The following PPARGC1A variants were observed in gnomAD, a reference collection of about 807,000 sequenced individuals.
PPARGC1A encodes the protein PPARG coactivator 1 alpha.
PPARGC1A carries 25 observed loss-of-function variants against 88.7 expected under a neutral mutation model. That is an observed-to-expected ratio of 0.28 (90% confidence interval 0.21 to 0.39). The LOEUF is 0.39. Ranked by LOEUF, PPARGC1A falls within the 10% of genes least tolerant of loss-of-function variation. The pLI, the probability that PPARGC1A is intolerant of heterozygous loss-of-function variation, is 1.00. For missense variants in PPARGC1A, 880 were observed against 968.7 expected, an observed-to-expected ratio of 0.91 and a Z score of 1.22; for synonymous variants, 363 against 355.6, an observed-to-expected ratio of 1.02 and a Z score of -0.24.
chr4:23,986,245 GTC>G, the PPARGC1A span, among the ~76,000 whole-genome samples: 136 of 152,086 alleles, frequency 8.9e-4, 1 homozygote, highest in Non-Finnish European at 8.5e-4. Flanking sequence ...TAAAAAAAAA[GTC>G]TCTGAAATAT....
chr4:24,264,642 T>A, the PPARGC1A span, among the ~76,000 whole-genome samples: 29 of 152,368 alleles, frequency 1.9e-4, no homozygotes, highest in African/African-American at 6.7e-4. Context: ...GGAGTTCAAA[T>A]GCAGTAATGC....
At chr4:24,088,679 TA>T in the PPARGC1A span, among the ~76,000 whole-genome samples, 1 of 152,190 alleles carries the variant, frequency 6.6e-6, no homozygotes, top group Non-Finnish European at 1.5e-5. Context: ...AATAAACTAT[TA>T]AAAAACATTT....
chr4:24,401,231 G>A, the PPARGC1A span, among the ~76,000 whole-genome samples: 63 of 151,892 alleles, frequency 4.1e-4, 1 homozygote, highest in Admixed American at 1.4e-3. Flanking sequence ...TGTTAGCCAG[G>A]ATGGTCTCGA....
chr4:24,218,481 G>T, the PPARGC1A span, among the ~76,000 whole-genome samples: 1 of 152,240 alleles, frequency 6.6e-6, no homozygotes, highest in Admixed American at 6.5e-5. Flanking sequence ...GACGGAGGTA[G>T]CTGTCATCAG....
chr4:24,401,935 A>G, the PPARGC1A span, among the ~76,000 whole-genome samples: 1 of 152,230 alleles, frequency 6.6e-6, no homozygotes, highest in African/African-American at 2.4e-5. Context: ...CTTAGCTTGT[A>G]AAAAGCAGTG....
At chr4:24,452,769 TA>T in the PPARGC1A span, among the ~76,000 whole-genome samples, 1 of 152,100 alleles carries the variant, frequency 6.6e-6, no homozygotes, top group African/African-American at 2.4e-5. Flanking sequence ...TGGGGAGACA[TA>T]AAAAATAGCG....
At chr4:23,961,151 T>C in the PPARGC1A span, among the ~76,000 whole-genome samples, 675 of 152,246 alleles carry the variant, frequency 4.4e-3, 3 homozygotes, top group African/African-American at 0.015. Flanking sequence ...CGTCTTACTA[T>C]TTTCACCTCC....
chr4:24,406,332 G>GA, the PPARGC1A span, among the ~76,000 whole-genome samples: 1 of 152,194 alleles, frequency 6.6e-6, no homozygotes, highest in Non-Finnish European at 1.5e-5. Flanking sequence ...TCCTTCATTG[G>GA]ACATGGAATT....
chr4:24,372,524 C>T, the PPARGC1A span, among the ~76,000 whole-genome samples: 3 of 152,138 alleles, frequency 2.0e-5, no homozygotes, highest in Admixed American at 6.5e-5. Flanking sequence ...GGCCTTTTCT[C>T]GTTTCTATTT....
At chr4:24,056,016 G>T in the PPARGC1A span, among the ~76,000 whole-genome samples, 347 of 152,322 alleles carry the variant, frequency 2.3e-3, 1 homozygote, top group African/African-American at 8.1e-3. Context: ...TCTTTGGGAA[G>T]AAGAGGACAG....
the PPARGC1A span, among the ~76,000 whole-genome samples, chr4:24,356,133 G>C: frequency 6.6e-6 from 1 of 151,494 alleles, no homozygotes; most frequent in African/African-American, 2.4e-5. Flanking sequence ...GGAAGCAGAG[G>C]TTGCAGTGAG....
chr4:23,818,046 C>G (rs1010810179), intron 7 of PPARGC1A, among the ~76,000 whole-genome samples: 2 of 152,160 alleles, frequency 1.3e-5, no homozygotes, highest in Admixed American at 6.5e-5. Flanking sequence ...AGTGCTCAAT[C>G]CCTTGATGCC....
the PPARGC1A span, among the ~76,000 whole-genome samples, chr4:24,056,089 G>A: frequency 3.3e-5 from 5 of 152,258 alleles, no homozygotes; most frequent in Non-Finnish European, 7.4e-5. Context: ...TCAAATAGGC[G>A]AACAAATTTT....
At chr4:23,821,482 G>T (rs1303525747) in intron 7 of PPARGC1A, among the ~76,000 whole-genome samples, 2 of 151,876 alleles carry the variant, frequency 1.3e-5, no homozygotes, top group Non-Finnish European at 2.9e-5. Flanking sequence ...AGTAGGGGGT[G>T]GGGGAGGCAC....
the PPARGC1A span, among the ~76,000 whole-genome samples, chr4:24,227,293 C>T: frequency 3.3e-5 from 5 of 152,092 alleles, no homozygotes; most frequent in Non-Finnish European, 7.3e-5. Flanking sequence ...CACTGTGTTG[C>T]CCAGGCTGGT....
the PPARGC1A span, among the ~76,000 whole-genome samples, chr4:24,076,973 T>C: frequency 6.6e-6 from 1 of 152,124 alleles, no homozygotes; most frequent in East Asian, 1.9e-4. Flanking sequence ...TCCCCTGAAG[T>C]TAATAATTGT....
At chr4:23,880,891 T>G (rs1715793828) in intron 2 of PPARGC1A, 1 of 152,178 alleles carries the variant, frequency 6.6e-6, no homozygotes, top group Admixed American at 6.5e-5. Context: ...GCATTCTCAC[T>G]TGCCATCATT....
At chr4:23,953,315 C>G in the PPARGC1A span, among the ~76,000 whole-genome samples, 1 of 152,056 alleles carries the variant, frequency 6.6e-6, no homozygotes, top group East Asian at 1.9e-4. Context: ...CTGAATCACT[C>G]CTTACTCTTC....
the PPARGC1A span, among the ~76,000 whole-genome samples, chr4:24,026,284 C>G: frequency 6.6e-6 from 1 of 152,042 alleles, no homozygotes; most frequent in East Asian, 1.9e-4. Context: ...ATCTGTGGGC[C>G]CATGCATTTC....
Sources: allele counts gnomAD v4.1 joint callset (sites outside exome capture counted in the v4.1 genomes callset), GRCh38; gene constraint gnomAD v4.1.1; transcripts MANE v1.5; gene names NCBI Gene and HGNC (gene_info 2026-07-23, HGNC 2026-07-21).